The following SLC25A26 variants were observed in gnomAD, a reference collection of about 807,000 sequenced individuals.
SLC25A26 encodes mitochondrial S-adenosylmethionine carrier protein.
A neutral mutation model predicts 37.8 loss-of-function variants in SLC25A26; 36 were observed. The observed-to-expected ratio is 0.95, with a 90% CI of 0.73 to 1.26. The LOEUF (loss-of-function observed/expected upper bound fraction) is 1.26. Among genes scored for constraint, SLC25A26 ranks in the 50% most tolerant of loss-of-function variants. The pLI, the probability that SLC25A26 is intolerant of heterozygous loss-of-function variation, is 0.00. For missense variants in SLC25A26, 390 were observed against 331.1 expected (o/e 1.18, Z -1.38); for synonymous variants, 129 against 122.5 (o/e 1.05, Z -0.35).
At chr3:66,249,933 G>A (rs2073015245) in intron 3 of SLC25A26, among the ~76,000 whole-genome samples, 1 of 152,172 alleles carries the variant, frequency 6.6e-6, no homozygotes, top group Admixed American at 6.5e-5. Flanking sequence ...TTTGTGTGAT[G>A]TGTCTAAGCA....
intron 6 of SLC25A26, chr3:66,356,200 T>C: frequency 2.5e-6 from 1 of 408,000 alleles, no homozygotes; most frequent in South Asian, 1.8e-5. Context: ...CTCTTCAGGC[T>C]ATACTTTAAA....
intron 1 of SLC25A26, among the ~76,000 whole-genome samples, chr3:66,194,371 A>G (rs942101755): frequency 3.0e-4 from 46 of 152,268 alleles, no homozygotes; most frequent in African/African-American, 1.0e-3. Flanking sequence ...ATTCCCATTT[A>G]TCTCTCCAAT....
chr3:66,178,675 T>C (rs1179888518), intron 1 of SLC25A26, among the ~76,000 whole-genome samples: 2 of 152,206 alleles, frequency 1.3e-5, no homozygotes, highest in Non-Finnish European at 1.5e-5. Flanking sequence ...GTTGAGATTC[T>C]AGATGTCTCT....
intron 1 of SLC25A26, among the ~76,000 whole-genome samples, chr3:66,173,289 G>A (rs148778428): frequency 3.0e-4 from 45 of 152,270 alleles, no homozygotes; most frequent in African/African-American, 9.4e-4. Context: ...TGCTTTCCCC[G>A]GGAGCTAGAG....
intron 5 of SLC25A26, among the ~76,000 whole-genome samples, chr3:66,284,039 A>G (rs1288461458): frequency 6.6e-6 from 1 of 152,230 alleles, no homozygotes. Context: ...GTCAATTAAT[A>G]TTACACACTT....
chr3:66,238,401 A>G (rs1355043827), intron 2 of SLC25A26, among the ~76,000 whole-genome samples: 1 of 152,024 alleles, frequency 6.6e-6, no homozygotes, highest in Non-Finnish European at 1.5e-5. Flanking sequence ...ATTTTTTGAG[A>G]TGGAGTCTTG....
intron 1 of SLC25A26, among the ~76,000 whole-genome samples, chr3:66,142,797 T>A (rs1363146916): frequency 1.3e-5 from 2 of 152,196 alleles, no homozygotes; most frequent in Non-Finnish European, 2.9e-5. Context: ...AGGGTCTGCC[T>A]CTGTCACCCA....
rs541331285 is a variant in SLC25A26 at position 66,311,675 on chromosome 3, C to T, written c.454-34689C>T. Among the ~76,000 whole-genome samples the T allele has an allele frequency of 3.9e-5, 6 of 151,988 alleles. No individual in the cohort carries two copies. In the South Asian group the frequency reaches 8.3e-4, roughly 21 times the overall value. On this transcript the variant is annotated intron_variant, in intron 5 of 9. Transcript: ENST00000354883. ...GGATGACTTTTGGATAGGGTTTTTG[C>T]GTGGGTGTCCTTTTTGTTTTTGTTG...
intron 1 of SLC25A26, among the ~76,000 whole-genome samples, chr3:66,160,865 G>A (rs1485304178): frequency 1.3e-5 from 2 of 152,102 alleles, no homozygotes; most frequent in Admixed American, 6.5e-5. Flanking sequence ...AACCTGGTTG[G>A]CAGGGGTTGT....
At chr3:66,246,300 C>T (rs148147682) in intron 3 of SLC25A26, among the ~76,000 whole-genome samples, 1 of 152,274 alleles carries the variant, frequency 6.6e-6, no homozygotes, top group African/African-American at 2.4e-5. Context: ...TCACCTGGGG[C>T]CATCTTGCCT....
chr3:66,197,963 A>G (rs2071066577), intron 1 of SLC25A26, among the ~76,000 whole-genome samples: 1 of 152,132 alleles, frequency 6.6e-6, no homozygotes, highest in Non-Finnish European at 1.5e-5. Context: ...TCAGGGTCAG[A>G]GAGCATCAGG....
chr3:66,309,715 A>G (rs1250331058), intron 5 of SLC25A26, among the ~76,000 whole-genome samples: 1 of 152,056 alleles, frequency 6.6e-6, no homozygotes, highest in Non-Finnish European at 1.5e-5. Flanking sequence ...CTTTGTTCTC[A>G]TTGGTTTCGA....
intron 1 of SLC25A26, among the ~76,000 whole-genome samples, chr3:66,205,722 C>G (rs1401810347): frequency 6.6e-6 from 1 of 152,130 alleles, no homozygotes. Flanking sequence ...AGCCCCTTGA[C>G]CCTGTGGAAG....
At chr3:66,261,921 AAG>A (rs2073543840) in intron 3 of SLC25A26, 128 bp from the exon 4 acceptor site, 3 of 628,658 alleles carry the variant, frequency 4.8e-6, no homozygotes, top group South Asian at 1.9e-5. Flanking sequence ...AAAAAAAAAA[AAG>A]AAACTTTTTG....
Position 66,240,757 on chromosome 3 carries a change from T to C in SLC25A26, c.191-2446T>C, listed in dbSNP as rs576195453. 2.0e-5 allele frequency among the ~76,000 whole-genome samples: 3 copies of C among 149,732 alleles called. No individual in the cohort carries two copies. In the South Asian group the frequency reaches 6.3e-4, roughly 31 times the overall value. On this transcript the variant is annotated intron_variant, in intron 2 of 9. Coordinates refer to ENST00000354883, the MANE Select transcript of SLC25A26 (RefSeq NM_001379210.1). ...CTAGCCTTTTCTTTTCTTTTTTTTT[T>C]TTTTTTGAGACAGAGTCTCACTCTT...
intron 9 of SLC25A26, among the ~76,000 whole-genome samples, chr3:66,375,316 A>C (rs1285420012): frequency 6.6e-6 from 1 of 152,236 alleles, no homozygotes; most frequent in Non-Finnish European, 1.5e-5. Context: ...AGCTGCAGCA[A>C]GTTACCCAGA....
At chr3:66,239,264 C>CTTT (rs555707985) in intron 2 of SLC25A26, among the ~76,000 whole-genome samples, 18,634 of 142,832 alleles carry the variant, frequency 0.13, 1,345 homozygotes, top group East Asian at 0.29. Flanking sequence ...CATCCCCAAC[C>CTTT]TTTTTTTTTT....
chr3:66,339,810 G>C (rs1372667248), intron 5 of SLC25A26, among the ~76,000 whole-genome samples: 1 of 151,986 alleles, frequency 6.6e-6, no homozygotes, highest in African/African-American at 2.4e-5. Context: ...TCCATAGGTT[G>C]TCTTTTTATG....
chr3:66,301,060 T>A (rs1418064655), intron 5 of SLC25A26, among the ~76,000 whole-genome samples: 1 of 152,202 alleles, frequency 6.6e-6, no homozygotes, highest in Non-Finnish European at 1.5e-5. Flanking sequence ...AATAAAATGA[T>A]GATAGAACTC....
Sources: allele counts gnomAD v4.1 joint callset (sites outside exome capture counted in the v4.1 genomes callset), GRCh38; gene constraint gnomAD v4.1.1; transcripts MANE v1.5; gene names NCBI Gene and HGNC (gene_info 2026-07-23, HGNC 2026-07-21).